The following MACO1 variants were observed in gnomAD, a reference collection of about 807,000 sequenced individuals.
The protein encoded by MACO1 is macoilin 1, also known as macoilin.
Under a neutral mutation model 78.7 loss-of-function variants are expected in MACO1, and 14 were observed. That is an observed-to-expected ratio of 0.18 (90% confidence interval 0.12 to 0.28). MACO1 has a LOEUF of 0.28. Among genes scored for constraint, MACO1 ranks in the 10% least tolerant of loss-of-function variants. The pLI, the probability that MACO1 is intolerant of heterozygous loss-of-function variation, is 1.00. For missense variants in MACO1, 501 were observed against 799.0 expected (o/e 0.63, Z 4.50); for synonymous variants, 288 against 291.6 (o/e 0.99, Z 0.12).
chr1:25,432,908 C>T (rs2042888282), intron 1 of MACO1, among the ~76,000 whole-genome samples: 1 of 152,146 alleles, frequency 6.6e-6, no homozygotes, highest in Non-Finnish European at 1.5e-5. Context: ...TTACAACCTG[C>T]GCCATAATAG....
intron 10 of MACO1, among the ~76,000 whole-genome samples, chr1:25,494,428 C>T (rs747421473): frequency 2.0e-5 from 3 of 152,032 alleles, no homozygotes; most frequent in African/African-American, 7.3e-5. Flanking sequence ...GTGAGCAGTC[C>T]GGCAGCCTTA....
intron 9 of MACO1, among the ~76,000 whole-genome samples, chr1:25,491,062 T>C (rs1358611913): frequency 6.6e-6 from 1 of 152,248 alleles, no homozygotes; most frequent in African/African-American, 2.4e-5. Context: ...GGTTGAGTTT[T>C]GGCAAGTTCG....
chr1:25,481,915 G>T (rs1045475477), intron 6 of MACO1, among the ~76,000 whole-genome samples: 2 of 152,216 alleles, frequency 1.3e-5, no homozygotes, highest in Non-Finnish European at 2.9e-5. Context: ...CAGGGTGACT[G>T]TCAGTGTTTT....
At chr1:25,451,530 T>TA (rs2043065981) in intron 3 of MACO1, among the ~76,000 whole-genome samples, 1 of 152,268 alleles carries the variant, frequency 6.6e-6, no homozygotes, top group Non-Finnish European at 1.5e-5. Flanking sequence ...ATAGGGCAGA[T>TA]AAATATTTGA....
chr1:25,462,967 A>G (rs1028078651), intron 6 of MACO1, among the ~76,000 whole-genome samples: 1 of 152,204 alleles, frequency 6.6e-6, no homozygotes, highest in Non-Finnish European at 1.5e-5. Flanking sequence ...ACATCATATC[A>G]ATGGCTGCTT....
At chr1:25,458,917 C>G in intron 6 of MACO1, 25 bp downstream of exon 6, 1 of 1,589,002 alleles carries the variant, frequency 6.3e-7, no homozygotes, top group Non-Finnish European at 8.6e-7. Flanking sequence ...TGCATCCTTA[C>G]TAACACTTTC....
chr1:25,450,304 T>A (rs902194809), intron 3 of MACO1, among the ~76,000 whole-genome samples: 1 of 152,062 alleles, frequency 6.6e-6, no homozygotes, highest in Non-Finnish European at 1.5e-5. Flanking sequence ...CTGTGGCAGG[T>A]ATGTTCTGAC....
Position 25,487,000 on chromosome 1 carries a change from C to T in MACO1, c.1496+1205C>T, listed in dbSNP as rs142377073. ...CCTGCCCTTTCTGAAAAATTCCACT[C>T]AGGAGGACATAGCAGTTCCTTAACG... is the stretch of plus-strand genomic sequence containing the variant. On this transcript the variant is annotated intron_variant, in intron 8 of 10. Coordinates refer to ENST00000374343, the MANE Select transcript of MACO1 (RefSeq NM_018202.6). Among the ~76,000 whole-genome samples, 7 of 152,292 alleles carry T rather than the reference C, an allele frequency of 4.6e-5. No individual in the cohort carries two copies. The East Asian group carries it at 1.3e-3, about 29-fold the overall frequency.
chr1:25,431,943 G>A (rs2124563664), intron 1 of MACO1, among the ~76,000 whole-genome samples: 1 of 150,826 alleles, frequency 6.6e-6, no homozygotes, highest in Non-Finnish European at 1.5e-5. Flanking sequence ...CGCAAGAAAA[G>A]CAGTGTCCCT....
At chr1:25,467,730 GA>G (rs1263795968) in intron 6 of MACO1, among the ~76,000 whole-genome samples, 5 of 120,800 alleles carry the variant, frequency 4.1e-5, no homozygotes, top group Non-Finnish European at 6.6e-5. Context: ...TTAGAATGAT[GA>G]TTTTTTTTTT....
chr1:25,484,285 C>T lies in MACO1; in HGVS notation c.1313+11C>T. The T allele has an allele frequency of 1.3e-6, 2 of 1,579,830 alleles. No homozygotes were observed. Among genetic ancestry groups the T allele is most frequent in the South Asian group, 2.3e-5 (2 of 85,570 alleles). On this transcript the variant is annotated intron_variant, in intron 7 of 10. Transcript: ENST00000374343. ...GCTGCTGCAGAACAAGTACGTGCAC[C>T]TTTCAGGCCTTTGGCCGTAAGCCCG...
At chr1:25,460,013 A>G (rs1217097798) in intron 6 of MACO1, among the ~76,000 whole-genome samples, 1 of 152,130 alleles carries the variant, frequency 6.6e-6, no homozygotes, top group African/African-American at 2.4e-5. Context: ...GCAGCCCTTT[A>G]GGCAGTCCGT....
chr1:25,453,953 A>G (rs566422209), intron 3 of MACO1, among the ~76,000 whole-genome samples: 3 of 152,026 alleles, frequency 2.0e-5, no homozygotes, highest in Non-Finnish European at 4.4e-5. Flanking sequence ...TGTGACTCGT[A>G]AATTATTTTC....
At position 25,444,740 on chromosome 1, in the gene MACO1, C is replaced by T. The variant is rs140053977; in HGVS notation, c.81-2022C>T. ...TAGCTGGGACTACAAGTGTGTGCCA[C>T]TACACCTGGCTAATTTTTAAATTTT... On this transcript the variant is annotated intron_variant, in intron 1 of 10. Coordinates refer to ENST00000374343, the MANE Select transcript of MACO1 (RefSeq NM_018202.6). Among the ~76,000 whole-genome samples the T allele has an allele frequency of 6.1e-4, 92 of 152,036 alleles. 1 individual carries two copies. The East Asian group carries it at 7.4e-3, about 12-fold the overall frequency.
At chr1:25,489,483 A>G (rs952842544) in intron 9 of MACO1, among the ~76,000 whole-genome samples, 190 bp downstream of exon 9, 4 of 152,244 alleles carry the variant, frequency 2.6e-5, no homozygotes, top group Admixed American at 6.5e-5. Flanking sequence ...ATATTAATGT[A>G]GCCAGATTCT....
intron 6 of MACO1, among the ~76,000 whole-genome samples, chr1:25,470,665 A>G (rs2043259134): frequency 6.6e-6 from 1 of 152,130 alleles, no homozygotes; most frequent in East Asian, 1.9e-4. Flanking sequence ...GGAACCCAAG[A>G]TTGTCTGCTA....
At chr1:25,444,420 C>T (rs997352532) in intron 1 of MACO1, among the ~76,000 whole-genome samples, 2 of 151,874 alleles carry the variant, frequency 1.3e-5, no homozygotes, top group Non-Finnish European at 2.9e-5. Flanking sequence ...TTAAAAAGTG[C>T]TCTGAAACCA....
At chr1:25,456,559 T>A in intron 4 of MACO1, 94 bp from the exon 5 acceptor site, 2 of 1,281,438 alleles carry the variant, frequency 1.6e-6, no homozygotes, top group Non-Finnish European at 2.2e-6. Flanking sequence ...TAGAATTTAT[T>A]TTTAATTTTT....
chr1:25,484,037 C>G, intron 6 of MACO1, 79 bp from the exon 7 acceptor site: 3 of 1,457,940 alleles, frequency 2.1e-6, no homozygotes, highest in Non-Finnish European at 2.8e-6. Context: ...ACCCAGCAGT[C>G]CAGGACCCCC....
Sources: gnomAD v4.1 joint callset for allele counts (sites outside exome capture counted in the v4.1 genomes callset) on GRCh38, gnomAD v4.1.1 for gene constraint, MANE v1.5 for transcripts, NCBI Gene and HGNC (gene_info 2026-07-23, HGNC 2026-07-21) for gene names.